Variants in VAC14 observed in about 807,000 individuals in gnomAD.
VAC14 encodes VAC14 component of PIKFYVE complex.
Under a neutral mutation model 85.3 loss-of-function variants are expected in VAC14, and 47 were observed. That is an observed-to-expected ratio of 0.55 (90% CI 0.44 to 0.70). The LOEUF is 0.70. Ranked by LOEUF, VAC14 falls within the 30% of genes least tolerant of loss-of-function variation. The pLI, the probability that VAC14 is intolerant of heterozygous loss-of-function variation, is 0.00. For synonymous variants in VAC14, 447 were observed against 430.5 expected (o/e 1.04, Z -0.47); for missense variants, 861 against 1,004.3 (o/e 0.86, Z 1.93).
At chr16:70,764,065 G>C (rs560392724) in intron 10 of VAC14, among the ~76,000 whole-genome samples, 1 of 152,212 alleles carries the variant, frequency 6.6e-6, no homozygotes. Context: ...CCGTCTCTTC[G>C]TGGCATTTCT....
intron 7 of VAC14, 38 bp downstream of exon 7, chr16:70,782,995 G>A (rs1305518862): frequency 6.3e-7 from 1 of 1,581,178 alleles, no homozygotes; most frequent in Non-Finnish European, 8.7e-7. Context: ...GGCAGCAGCA[G>A]TGGCAGCCGT....
intron 1 of VAC14, among the ~76,000 whole-genome samples, chr16:70,793,161 C>T (rs550306025): frequency 2.6e-5 from 4 of 152,324 alleles, no homozygotes; most frequent in African/African-American, 7.2e-5. Context: ...ACACAGTGCT[C>T]GGTCATCGCC....
At chr16:70,743,078 T>G (rs946799867) in intron 13 of VAC14, among the ~76,000 whole-genome samples, 2 of 151,940 alleles carry the variant, frequency 1.3e-5, no homozygotes, top group African/African-American at 4.8e-5. Flanking sequence ...AACGCACCAA[T>G]CAGCACTCTG....
chr16:70,772,071 G>A (rs764737758), intron 10 of VAC14, 38 bp downstream of exon 10: 4 of 1,599,616 alleles, frequency 2.5e-6, no homozygotes, highest in African/African-American at 1.3e-5. Flanking sequence ...TAGGCCGCTC[G>A]CTTTCCACAA....
chr16:70,788,014 T>C (rs1230529211), intron 1 of VAC14, among the ~76,000 whole-genome samples: 1 of 152,252 alleles, frequency 6.6e-6, no homozygotes, highest in Non-Finnish European at 1.5e-5. Flanking sequence ...AAAAAGTAAC[T>C]GCAGGCACTC....
At chr16:70,722,774 G>C (rs1291168769) in intron 14 of VAC14, among the ~76,000 whole-genome samples, 1 of 152,184 alleles carries the variant, frequency 6.6e-6, no homozygotes, top group Non-Finnish European at 1.5e-5. Flanking sequence ...ACCTACCACT[G>C]TATATGCATT....
chr16:70,753,461 T>A (rs540595083), intron 12 of VAC14, among the ~76,000 whole-genome samples: 51 of 152,146 alleles, frequency 3.4e-4, no homozygotes, highest in Non-Finnish European at 6.0e-4. Context: ...AATTTTGGCT[T>A]CTGAGGACGC....
chr16:70,688,327 G>A lies in VAC14; in HGVS notation c.2187-237C>T, dbSNP rs931312873. 17 of 1,181,054 alleles carry A rather than the reference G, an allele frequency of 1.4e-5. No individual in the cohort carries two copies. The African/African-American group carries it at 1.6e-4, about 11-fold the overall frequency. 73.2% of individuals were successfully genotyped at this position (1,181,054 alleles called of 1,614,324 possible). On this transcript the variant is annotated intron_variant, in intron 18 of 18. Transcript: ENST00000261776. ...ACACTGCTGCTTGGCTATTGCCCTC[G>A]GCCTGTGGGCTGGCGATGGCGCCCA...
intron 15 of VAC14, 46 bp from the exon 16 acceptor site, chr16:70,697,303 C>G: frequency 6.5e-7 from 1 of 1,539,896 alleles, no homozygotes; most frequent in Non-Finnish European, 9.0e-7. Flanking sequence ...CTGCTCCTTG[C>G]CCCTACCCGG....
rs984182289 is a variant in VAC14, at chr16:70,692,110, A to G, written c.2186+711T>C. 6 of 981,520 alleles carry G rather than the reference A, an allele frequency of 6.1e-6. No individual in the cohort carries two copies. The African/African-American group carries it at 1.1e-4, about 17-fold the overall frequency. 60.8% of individuals were successfully genotyped at this position (981,520 alleles called of 1,614,324 possible). On this transcript the variant is annotated intron_variant, in intron 18 of 18. Coordinates refer to ENST00000261776, the MANE Select transcript of VAC14 (RefSeq NM_018052.5). Reference sequence around the variant, plus strand: ...GCCTGTGGATGAGGCAAAGCCTCCAAGGGTTACCAAATATAGATGCAGCCC... The same window carrying G: ...GCCTGTGGATGAGGCAAAGCCTCCAGGGGTTACCAAATATAGATGCAGCCC...
intron 13 of VAC14, among the ~76,000 whole-genome samples, chr16:70,733,473 T>G (rs1454648426): frequency 6.6e-6 from 1 of 151,978 alleles, no homozygotes; most frequent in Non-Finnish European, 1.5e-5. Context: ...CACCCAAATC[T>G]CATGTTGAAA....
At chr16:70,780,003 T>C (rs901269864) in intron 9 of VAC14, among the ~76,000 whole-genome samples, 2 of 150,984 alleles carry the variant, frequency 1.3e-5, no homozygotes, top group Admixed American at 6.6e-5. Flanking sequence ...CCACCATATC[T>C]GGCTAATTTT....
chr16:70,689,252 C>G, intron 18 of VAC14: 1 of 985,488 alleles, frequency 1.0e-6, no homozygotes, highest in Non-Finnish European at 1.2e-6. Context: ...TGTGTAAGAG[C>G]TTCACCTGGT....
chr16:70,736,520 G>A (rs935630979), intron 13 of VAC14, among the ~76,000 whole-genome samples: 1 of 152,164 alleles, frequency 6.6e-6, no homozygotes, highest in African/African-American at 2.4e-5. Flanking sequence ...CCATCTCTCC[G>A]CTGACAGTCT....
At chr16:70,744,320 C>T in intron 13 of VAC14, 103 bp downstream of exon 13, 1 of 1,490,250 alleles carries the variant, frequency 6.7e-7, no homozygotes, top group African/African-American at 1.4e-5. Flanking sequence ...TGGCAGAGCT[C>T]CAGAGCTCCT....
Position 70,783,466 on chromosome 16 carries a change from T to C in VAC14, c.683A>G (p.Asn228Ser), listed in dbSNP as rs1287215378. Reference sequence around the variant, plus strand: ...TCACATTTTGCGAATCTCTTTGCCATTGTCACCCAGGATCTGGAAGAGTCC... The same window carrying C: ...TCACATTTTGCGAATCTCTTTGCCACTGTCACCCAGGATCTGGAAGAGTCC... ...LDGLFQILGD[N>S]GKEIRKMCEV... Residue 228 changes from asparagine (N) to serine (S), a missense_variant, in exon 6 of 19, where the codon AAT (asparagine) becomes AGT (serine). Coordinates refer to ENST00000261776, the MANE Select transcript of VAC14 (RefSeq NM_018052.5). 1.9e-6 allele frequency: 3 copies of C among 1,613,978 alleles called. No individual in the cohort carries two copies. The highest frequency in any genetic ancestry group is 3.3e-5 in the Admixed American group (2 of 60,012).
chr16:70,736,314 C>T (rs1460957531), intron 13 of VAC14, among the ~76,000 whole-genome samples: 3 of 152,222 alleles, frequency 2.0e-5, no homozygotes, highest in Admixed American at 1.3e-4. Flanking sequence ...TATTAGCAAG[C>T]GTCCCATAGC....
intron 17 of VAC14, among the ~76,000 whole-genome samples, chr16:70,694,142 C>T (rs142012379): frequency 0.012 from 1,763 of 152,350 alleles, 30 homozygotes; most frequent in Non-Finnish European, 0.014. Flanking sequence ...GGGTGTGTCT[C>T]TCCTGTTACC....
intron 9 of VAC14, among the ~76,000 whole-genome samples, chr16:70,776,011 T>C (rs575539775): frequency 6.6e-6 from 1 of 152,342 alleles, no homozygotes; most frequent in South Asian, 2.1e-4. Context: ...ATGGGGGTAA[T>C]GACAGTACCT....
Sources: allele counts gnomAD v4.1 joint callset (sites outside exome capture counted in the v4.1 genomes callset), GRCh38; gene constraint gnomAD v4.1.1; transcripts MANE v1.5; gene names NCBI Gene and HGNC (gene_info 2026-07-23, HGNC 2026-07-21).